The following SLC12A6 variants were observed in gnomAD, a reference collection of about 807,000 sequenced individuals.
The protein encoded by SLC12A6 is solute carrier family 12 member 6, also known as K-Cl cotransporter 3.
A neutral mutation model predicts 135.3 loss-of-function variants in SLC12A6; 66 were observed. That is an observed-to-expected ratio of 0.49 (90% CI 0.40 to 0.60). The LOEUF is 0.60. Ranked by LOEUF, SLC12A6 falls within the 20% of genes least tolerant of loss-of-function variation. The pLI, the probability that SLC12A6 is intolerant of heterozygous loss-of-function variation, is 0.00. For missense variants in SLC12A6, 1,058 were observed against 1,452.3 expected (o/e 0.73, Z 4.41); for synonymous variants, 513 against 508.8 (o/e 1.01, Z -0.11).
chr15:34,234,266 C>G (rs1891106437), intron 25 of SLC12A6, among the ~76,000 whole-genome samples: 1 of 152,186 alleles, frequency 6.6e-6, no homozygotes, highest in Admixed American at 6.5e-5. Context: ...CACAATAGGG[C>G]AGCTAACAAG....
chr15:34,244,875 T>C (rs551330105), intron 15 of SLC12A6, among the ~76,000 whole-genome samples: 6 of 152,342 alleles, frequency 3.9e-5, no homozygotes, highest in South Asian at 2.1e-4. Flanking sequence ...CATCACGCTA[T>C]ATGGGAATCA....
chr15:34,250,985 A>G lies in SLC12A6; in HGVS notation c.1406T>C (p.Leu469Ser). 1 of 1,610,096 alleles carries G rather than the reference A, an allele frequency of 6.2e-7. No individual in the cohort carries two copies. The highest frequency in any genetic ancestry group is 8.5e-7 in the Non-Finnish European group (1 of 1,176,300). ...AACATATTCATGGTTTAAGCTGCCTAAGACATCAGAAGATTTGGCTGAAGG... is the reference window on the plus strand; with the variant it reads ...AACATATTCATGGTTTAAGCTGCCTGAGACATCAGAAGATTTGGCTGAAGG... Reference protein sequence around the residue: ...EKPSAKSSDVLGSLNHEYVLV... With the variant: ...EKPSAKSSDVSGSLNHEYVLV... The change falls in exon 11 of 26, where the codon TTA becomes TCA. Residue 469 changes from leucine (L) to serine (S), a missense_variant. Transcript: ENST00000354181.
At chr15:34,312,970 T>C (rs904112077) in intron 2 of SLC12A6, among the ~76,000 whole-genome samples, 5 of 152,230 alleles carry the variant, frequency 3.3e-5, no homozygotes, top group Admixed American at 3.3e-4. Flanking sequence ...ATAAATGTTG[T>C]GTGTGTTCTG....
Position 34,257,798 on chromosome 15 carries a change from AAGAC to A in SLC12A6, c.544-14_544-11del. 6.3e-7 allele frequency: 1 copy of A among 1,586,304 alleles called. No individual in the cohort carries two copies. The highest frequency in any genetic ancestry group is 8.7e-7 in the Non-Finnish European group (1 of 1,155,570). ...TACCCATTTGGGGGGTCTAGAAAGA[AAGAC>A]ATTGATAAAAAATCACACAGTTATC... On this transcript the variant is annotated splice_polypyrimidine_tract_variant and intron_variant, in intron 5 of 25. Transcript: ENST00000354181.
At position 34,231,160 on chromosome 15, in the gene SLC12A6, C is replaced by T. The variant is rs1252991019; in HGVS notation, c.*2721G>A. 1 of 152,212 alleles carries T rather than the reference C, an allele frequency of 6.6e-6. No individual in the cohort carries two copies. The highest frequency in any genetic ancestry group is 1.5e-5 in the Non-Finnish European group (1 of 68,110). 9.4% of individuals were successfully genotyped at this position (152,212 alleles called of 1,614,324 possible). On this transcript the variant is annotated 3_prime_UTR_variant, in exon 26 of 26. Transcript: ENST00000354181. ...CTGAGGTTGGGAGTTCGAGACCAGC[C>T]TGACCAACATCAGTTTCAGTAGAGA... is the stretch of plus-strand genomic sequence containing the variant.
chr15:34,267,160 T>G (rs1893581375), intron 3 of SLC12A6, among the ~76,000 whole-genome samples: 1 of 152,106 alleles, frequency 6.6e-6, no homozygotes, highest in Admixed American at 6.6e-5. Flanking sequence ...ACACGAAGAC[T>G]TTCTAATACT....
chr15:34,319,393 C>T (rs144437337), intron 2 of SLC12A6, among the ~76,000 whole-genome samples: 4,128 of 151,912 alleles, frequency 0.027, 187 homozygotes, highest in African/African-American at 0.095. Context: ...TTGCCCACCT[C>T]GGCCTCCCAC....
chr15:34,244,678 C>T (rs1293808203), intron 15 of SLC12A6, among the ~76,000 whole-genome samples: 2 of 152,196 alleles, frequency 1.3e-5, no homozygotes, highest in Non-Finnish European at 2.9e-5. Context: ...TATGCCATCC[C>T]TCAATTCCTT....
chr15:34,296,067 C>T (rs1223462107), intron 2 of SLC12A6, among the ~76,000 whole-genome samples: 2 of 152,172 alleles, frequency 1.3e-5, no homozygotes, highest in African/African-American at 4.8e-5. Context: ...TTGTTAAGGA[C>T]TGTCTGTACT....
rs764378544 is a variant in SLC12A6 at position 34,254,377 on chromosome 15, G to C, written c.1089C>G (p.Ile363Met). 15 of 1,613,668 alleles carry C rather than the reference G, an allele frequency of 9.3e-6. No homozygotes were observed. The highest frequency in any genetic ancestry group is 1.2e-5 in the Non-Finnish European group (14 of 1,179,568). ...AGTGTGGAGGAGCAAAAGAAGACTTGATGGCTCCAGCATAGATGGCCAAGA... is the reference window on the plus strand; with the variant it reads ...AGTGTGGAGGAGCAAAAGAAGACTTCATGGCTCCAGCATAGATGGCCAAGA... ...VSILAIYAGA[I>M]KSSFAPPHFP... Residue 363 changes from isoleucine to methionine, a missense_variant, in exon 9 of 26, where the codon ATC becomes ATG. Around this residue, in one of 6 missense-constraint regions of SLC12A6, gnomAD observed 297 missense variants for 318.5 expected, o/e 0.93. Transcript: ENST00000354181.
intron 20 of SLC12A6, 186 bp downstream of exon 20, chr15:34,238,779 A>G (rs1222297415): frequency 5.8e-6 from 4 of 691,692 alleles, no homozygotes; most frequent in Non-Finnish European, 1.0e-5. Flanking sequence ...ATAATTCATG[A>G]ACATAATGTG....
At chr15:34,292,668 A>G (rs1895620797) in intron 2 of SLC12A6, among the ~76,000 whole-genome samples, 1 of 152,118 alleles carries the variant, frequency 6.6e-6, no homozygotes, top group Non-Finnish European at 1.5e-5. Flanking sequence ...GTTCCCTGCC[A>G]CTTTGTTTAC....
At chr15:34,318,218 TC>T (rs1333527973) in intron 2 of SLC12A6, among the ~76,000 whole-genome samples, 21 of 152,222 alleles carry the variant, frequency 1.4e-4, no homozygotes, top group African/African-American at 5.1e-4. Flanking sequence ...TAAAGTCTTT[TC>T]CAGATATAAT....
At position 34,272,317 on chromosome 15, in the gene SLC12A6, T is replaced by C. The variant is rs541579771; in HGVS notation, c.316+3028A>G. ...TATAATGCCTTTTCTGAGTAACTTA[T>C]CAGATGGTTAGAAAATACAACAAAA... On this transcript the variant is annotated intron_variant, in intron 3 of 25. Coordinates refer to ENST00000354181, the MANE Select transcript of SLC12A6 (RefSeq NM_001365088.1). 7.2e-5 allele frequency among the ~76,000 whole-genome samples: 11 copies of C among 152,316 alleles called. No homozygotes were observed. The South Asian group carries it at 2.3e-3, about 32-fold the overall frequency.
chr15:34,325,052 C>T (rs1468906786), intron 2 of SLC12A6, among the ~76,000 whole-genome samples: 1 of 152,080 alleles, frequency 6.6e-6, no homozygotes, highest in East Asian at 1.9e-4. Context: ...AACTTATCTC[C>T]TCACAAATAA....
intron 2 of SLC12A6, among the ~76,000 whole-genome samples, chr15:34,275,674 C>G (rs1894252389): frequency 6.6e-6 from 1 of 151,948 alleles, no homozygotes; most frequent in Non-Finnish European, 1.5e-5. Flanking sequence ...AAGTTTATGA[C>G]AAAATAATTC....
In SLC12A6 at chr15:34,229,792, T is replaced by C. The variant is rs1254362009; in HGVS notation, c.*4089A>G. 1.9e-6 allele frequency: 3 copies of C among 1,611,010 alleles called. No individual in the cohort carries two copies. The highest frequency in any genetic ancestry group is 1.7e-5 in the Admixed American group (1 of 59,528). On this transcript the variant is annotated 3_prime_UTR_variant, in exon 26 of 26. Transcript: ENST00000354181. Reference sequence around the variant, plus strand: ...TGGTGGAGGACTGCTTTTGTGAACATGAGAAAGCAGCGCCTGGTCCCTATG... The same window carrying C: ...TGGTGGAGGACTGCTTTTGTGAACACGAGAAAGCAGCGCCTGGTCCCTATG...
intron 3 of SLC12A6, among the ~76,000 whole-genome samples, chr15:34,268,021 T>C (rs2140841039): frequency 6.6e-6 from 1 of 152,360 alleles, no homozygotes; most frequent in East Asian, 1.9e-4. Context: ...CATCCTCTAC[T>C]GATTTAAACA....
chr15:34,245,924 CTAGAGA>C, intron 13 of SLC12A6, 57 bp from the exon 14 acceptor site: 1 of 1,400,514 alleles, frequency 7.1e-7, no homozygotes. Flanking sequence ...GACTGAAAGA[CTAGAGA>C]TATTCACCCA....
Sources: gnomAD v4.1 joint callset for allele counts (sites outside exome capture counted in the v4.1 genomes callset) on GRCh38, gnomAD v4.1.1 for gene constraint, gnomAD v4.1.1 regional missense constraint, MANE v1.5 for transcripts, NCBI Gene and HGNC (gene_info 2026-07-23, HGNC 2026-07-21) for gene names.